UNC5C: variants seen among roughly 807,000 people sequenced by gnomAD.
The protein encoded by UNC5C is netrin receptor UNC5C.
Under a neutral mutation model 99.8 loss-of-function variants are expected in UNC5C, and 47 were observed. The ratio of observed to expected loss-of-function variants is 0.47; its 90% confidence interval spans 0.37 to 0.60. The LOEUF is 0.60. Ranked by LOEUF, UNC5C falls within the 20% of genes least tolerant of loss-of-function variation. The pLI, the probability that UNC5C is intolerant of heterozygous loss-of-function variation, is 0.00. For synonymous variants in UNC5C, 487 were observed against 452.2 expected, an observed-to-expected ratio of 1.08 and a Z score of -0.98; for missense variants, 1,062 against 1,165.9, an observed-to-expected ratio of 0.91 and a Z score of 1.30.
intron 1 of UNC5C, among the ~76,000 whole-genome samples, chr4:95,522,136 A>G (rs1722376365): frequency 6.6e-6 from 1 of 152,116 alleles, no homozygotes. Context: ...GTGACAAAAG[A>G]CATTATTTAA....
At chr4:95,257,995 A>C (rs1740071361) in intron 4 of UNC5C, among the ~76,000 whole-genome samples, 1 of 152,226 alleles carries the variant, frequency 6.6e-6, no homozygotes. Flanking sequence ...GATTGTCTGA[A>C]TCAGCAAATC....
intron 1 of UNC5C, among the ~76,000 whole-genome samples, chr4:95,538,208 T>A (rs896910404): frequency 3.3e-5 from 5 of 152,244 alleles, no homozygotes; most frequent in African/African-American, 1.2e-4. Context: ...TATTACTGCA[T>A]TATATGAAAA....
At chr4:95,419,156 G>A (rs771326715) in intron 1 of UNC5C, among the ~76,000 whole-genome samples, 1 of 152,170 alleles carries the variant, frequency 6.6e-6, no homozygotes, top group Non-Finnish European at 1.5e-5. Flanking sequence ...TAAATGATGG[G>A]TGGAGATGGA....
chr4:95,187,646 A>G (rs747838303), intron 12 of UNC5C, among the ~76,000 whole-genome samples: 3 of 152,192 alleles, frequency 2.0e-5, no homozygotes, highest in Admixed American at 1.3e-4. Context: ...TTTCTTCAGC[A>G]ATGATTTGAA....
intron 1 of UNC5C, among the ~76,000 whole-genome samples, chr4:95,465,108 A>G (rs1747733329): frequency 6.6e-6 from 1 of 152,184 alleles, no homozygotes; most frequent in African/African-American, 2.4e-5. Context: ...ACTAAGGCGC[A>G]TCGTTCCAAA....
At position 95,249,087 on chromosome 4, in the gene UNC5C, C is replaced by T. The variant is rs138208943; in HGVS notation, c.775+1400G>A. ...CTTACCATTTTGTTACAGTTTCCTA[C>T]AGTATTCTGTACAGTAACACAGTAT... On this transcript the variant is annotated intron_variant, in intron 5 of 15. Transcript: ENST00000453304. Among the ~76,000 whole-genome samples, 460 of 152,264 alleles carry T rather than the reference C, an allele frequency of 3.0e-3. 3 individuals are homozygous for T. Among genetic ancestry groups the T allele is most frequent in the Non-Finnish European group, 1.3e-3 (90 of 68,016 alleles).
intron 12 of UNC5C, among the ~76,000 whole-genome samples, chr4:95,191,802 CCTT>C (rs1485451203): frequency 2.1e-5 from 3 of 143,244 alleles, no homozygotes; most frequent in Non-Finnish European, 4.6e-5. Flanking sequence ...TCCCTTCTCA[CCTT>C]CTCCCCTGCT....
At chr4:95,458,272 T>A (rs534914753) in intron 1 of UNC5C, among the ~76,000 whole-genome samples, 7 of 152,134 alleles carry the variant, frequency 4.6e-5, no homozygotes. Context: ...CTGTTTTGAC[T>A]AGAAAATAGG....
Position 95,227,018 on chromosome 4 carries a change from G to A in UNC5C, c.1109-6842C>T, listed in dbSNP as rs540466359. Among the ~76,000 whole-genome samples, 48 of 152,204 alleles carry A rather than the reference G, an allele frequency of 3.2e-4. 1 individual carries two copies. Among genetic ancestry groups the A allele is most frequent in the Middle Eastern group, 6.8e-3 (2 of 294 alleles). ...CTGAGAAGGCAAGAACAGGCATGGC[G>A]TTCAGGGAAAGGTATGAGGCTTGTT... is the stretch of plus-strand genomic sequence containing the variant. On this transcript the variant is annotated intron_variant, in intron 7 of 15. Transcript: ENST00000453304.
intron 11 of UNC5C, 110 bp from the exon 12 acceptor site, chr4:95,203,074 T>C: frequency 1.1e-6 from 1 of 908,970 alleles, no homozygotes; most frequent in Non-Finnish European, 1.7e-6. Flanking sequence ...ACTTGGTCTT[T>C]TTTCTCTCTC....
rs2149339783 is a variant in UNC5C at position 95,162,844 on chromosome 4, A to C, written c.*6390T>G. On this transcript the variant is annotated 3_prime_UTR_variant, in exon 16 of 16. Transcript: ENST00000453304. ...AAGGTTGTCATGTTTTGTTTAAAAA[A>C]GAAAAACGACAAAGCACAAAACCTC... The C allele has an allele frequency of 6.6e-6, 1 of 152,366 alleles. No individual in the cohort carries two copies. The highest frequency in any genetic ancestry group is 1.5e-5 in the Non-Finnish European group (1 of 68,036). 9.4% of individuals were successfully genotyped at this position (152,366 alleles called of 1,614,324 possible). A position where few individuals can be genotyped will look rare whatever the true frequency, so the allele number is the denominator to read the frequency against.
At chr4:95,526,372 G>A (rs1054113002) in intron 1 of UNC5C, among the ~76,000 whole-genome samples, 6 of 152,034 alleles carry the variant, frequency 3.9e-5, no homozygotes, top group East Asian at 1.9e-4. Flanking sequence ...TTCATGCAGC[G>A]CTGTAGATAG....
intron 1 of UNC5C, among the ~76,000 whole-genome samples, chr4:95,335,942 G>A (rs1342548639): frequency 2.0e-5 from 3 of 151,816 alleles, no homozygotes; most frequent in African/African-American, 7.2e-5. Flanking sequence ...TCTTCCCAAT[G>A]TATCACTACA....
chr4:95,252,550 A>T (rs1739786298), intron 4 of UNC5C, among the ~76,000 whole-genome samples: 1 of 152,230 alleles, frequency 6.6e-6, no homozygotes, highest in African/African-American at 2.4e-5. Context: ...TTGGGTCAGA[A>T]TCTGAGCTGT....
rs2149341257 is a variant in UNC5C, at chr4:95,165,777, AAGG to A, written c.*3454_*3456del. The A allele has an allele frequency of 6.6e-6, 1 of 152,338 alleles. No homozygotes were observed. Among genetic ancestry groups the A allele is most frequent in the East Asian group, 1.9e-4 (1 of 5,188 alleles). The allele number at this position is 152,338 out of a possible 1,614,324, so 9.4% of individuals were successfully genotyped here. A position where few individuals can be genotyped will look rare whatever the true frequency, so the allele number is the denominator to read the frequency against. On this transcript the variant is annotated 3_prime_UTR_variant, in exon 16 of 16. Transcript: ENST00000453304. ...CCAAAGATAAATATTAAGGAACTAA[AAGG>A]AGATTTAAAGTATACAAACCCCAAT...
intron 1 of UNC5C, among the ~76,000 whole-genome samples, chr4:95,413,286 T>A (rs1419054001): frequency 2.0e-5 from 3 of 152,170 alleles, no homozygotes; most frequent in Non-Finnish European, 4.4e-5. Context: ...GCACTGTAAA[T>A]GCAACGCAAG....
chr4:95,436,969 T>C (rs1206481749), intron 1 of UNC5C, among the ~76,000 whole-genome samples: 1 of 140,326 alleles, frequency 7.1e-6, no homozygotes, highest in African/African-American at 2.6e-5. Context: ...TAATCGAACA[T>C]AGATTTTTGC....
intron 1 of UNC5C, among the ~76,000 whole-genome samples, chr4:95,455,643 T>A (rs923095025): frequency 2.6e-5 from 4 of 151,960 alleles, no homozygotes; most frequent in African/African-American, 9.7e-5. Flanking sequence ...AATAAATAAA[T>A]ATATAAATAA....
At chr4:95,169,423 TGC>T (rs1735997113) in intron 15 of UNC5C, 24 bp from the exon 16 acceptor site, 1 of 1,611,398 alleles carries the variant, frequency 6.2e-7, no homozygotes, top group Admixed American at 1.7e-5. Context: ...AGAGAAAATG[TGC>T]TCAACAGTGT....
Sources: gnomAD v4.1 joint callset for allele counts (sites outside exome capture counted in the v4.1 genomes callset) on GRCh38, gnomAD v4.1.1 for gene constraint, MANE v1.5 for transcripts, NCBI Gene and HGNC (gene_info 2026-07-23, HGNC 2026-07-21) for gene names.